Variants in DIS3L2 observed in about 807,000 individuals in gnomAD.
DIS3L2 encodes the protein DIS3-like exonuclease 2.
In DIS3L2, 34 loss-of-function variants were observed where a neutral mutation model predicts 97.5. The observed-to-expected ratio is 0.35, with a 90% confidence interval of 0.27 to 0.46. The LOEUF (loss-of-function observed/expected upper bound fraction) is 0.46, where lower values mean the gene tolerates loss of function less well. DIS3L2 is among the 20% of genes least tolerant of loss of function. The pLI is 1.00. For synonymous variants in DIS3L2, 435 were observed against 445.2 expected (o/e 0.98, Z 0.29); for missense variants, 1,038 against 1,146.0 (o/e 0.91, Z 1.36).
At chr2:232,237,113 A>G (rs531565614) in intron 10 of DIS3L2, among the ~76,000 whole-genome samples, 66 of 152,324 alleles carry the variant, frequency 4.3e-4, no homozygotes, top group African/African-American at 1.3e-3. Context: ...ATTTTCATAC[A>G]CACATACATG....
At position 232,268,682 on chromosome 2, in the gene DIS3L2, A is replaced by G. The variant is rs1446375989; in HGVS notation, c.1659+5242A>G. Among the ~76,000 whole-genome samples, 2 of 152,168 alleles carry G rather than the reference A, an allele frequency of 1.3e-5. No homozygotes were observed. The highest frequency in any genetic ancestry group is 4.8e-5 in the African/African-American group (2 of 41,440). On this transcript the variant is annotated intron_variant, in intron 13 of 20. Transcript: ENST00000325385. The surrounding 1 kb of genome is among the most constrained non-coding windows in gnomAD (Gnocchi z 4.1). ...TTTTCAGCCATTTAAAAATGCATAA[A>G]CCAGTCTTAGCTCATGGGTCATACA...
At chr2:232,075,602 T>A (rs1696163998) in intron 5 of DIS3L2, among the ~76,000 whole-genome samples, 1 of 152,238 alleles carries the variant, frequency 6.6e-6, no homozygotes, top group South Asian at 2.1e-4. Context: ...TCTCCAGACC[T>A]ACATTTCCAG....
intron 5 of DIS3L2, among the ~76,000 whole-genome samples, chr2:232,074,358 A>AT (rs1224676033): frequency 9.2e-5 from 14 of 152,046 alleles, no homozygotes; most frequent in Non-Finnish European, 1.3e-4. Context: ...ATTTCTCACT[A>AT]TTTTTTGCAA....
chr2:232,339,698 G>A, downstream of DIS3L2: 1 of 456,404 alleles, frequency 2.2e-6, no homozygotes, highest in Non-Finnish European at 4.4e-6. Context: ...TGAGCATGCA[G>A]GGCCGGGGTG....
intron 6 of DIS3L2, among the ~76,000 whole-genome samples, chr2:232,127,279 C>T (rs748793115): frequency 6.6e-6 from 1 of 152,280 alleles, no homozygotes; most frequent in East Asian, 1.9e-4. Flanking sequence ...GAACCACCTC[C>T]GAAATAGAAT....
intron 9 of DIS3L2, among the ~76,000 whole-genome samples, chr2:232,206,187 G>A (rs1692021649): frequency 6.6e-6 from 1 of 152,200 alleles, no homozygotes; most frequent in Non-Finnish European, 1.5e-5. Flanking sequence ...AAATGAGTTG[G>A]TCAAGAACTG....
intron 6 of DIS3L2, among the ~76,000 whole-genome samples, chr2:232,114,027 C>T (rs1697623694): frequency 6.6e-6 from 1 of 152,160 alleles, no homozygotes. Context: ...ATCTTGTGGC[C>T]TCCACTCAGG....
At chr2:232,078,442 G>C (rs1019743420) in intron 5 of DIS3L2, among the ~76,000 whole-genome samples, 1 of 152,146 alleles carries the variant, frequency 6.6e-6, no homozygotes, top group African/African-American at 2.4e-5. Context: ...AGAGGGATCT[G>C]CTAACTTTCA....
intron 13 of DIS3L2, among the ~76,000 whole-genome samples, chr2:232,288,241 T>C (rs774625834): frequency 4.6e-5 from 7 of 152,214 alleles, no homozygotes; most frequent in Non-Finnish European, 1.0e-4. Flanking sequence ...AGTCCTGAAC[T>C]TTGATGGGAG....
chr2:231,989,789 C>T (rs1167027009), intron 1 of DIS3L2, among the ~76,000 whole-genome samples: 2 of 152,068 alleles, frequency 1.3e-5, no homozygotes, highest in South Asian at 2.1e-4. Context: ...GAGCTGTGAT[C>T]GTACCACTGC....
At chr2:232,234,378 G>A (rs1197372731) in intron 10 of DIS3L2, among the ~76,000 whole-genome samples, 2 of 152,202 alleles carry the variant, frequency 1.3e-5, no homozygotes, top group African/African-American at 4.8e-5. Flanking sequence ...TTGAGACGGA[G>A]TCTCACTCTT....
intron 6 of DIS3L2, among the ~76,000 whole-genome samples, chr2:232,120,489 G>A (rs1697866336): frequency 6.6e-6 from 1 of 152,198 alleles, no homozygotes; most frequent in Admixed American, 6.5e-5. Context: ...TGGTATGCAT[G>A]TAAACCACCT....
chr2:232,001,557 C>CTTTTTTTTTTTTTTTTTTTTTTTTTT (rs57766848), intron 1 of DIS3L2, among the ~76,000 whole-genome samples: 2 of 61,920 alleles, frequency 3.2e-5, no homozygotes, highest in African/African-American at 8.7e-5. Context: ...TGCCATTTGT[C>CTTTTTTTTTTTTTTTTTTTTTTTTTT]TTTTTTTTTT....
At chr2:231,984,787 T>C (rs1195184489) in intron 1 of DIS3L2, among the ~76,000 whole-genome samples, 2 of 152,090 alleles carry the variant, frequency 1.3e-5, no homozygotes, top group Non-Finnish European at 2.9e-5. Context: ...ACCCAGCTAA[T>C]TTTTTGTATT....
Position 232,104,285 on chromosome 2 carries a change from G to C in DIS3L2, c.601+16564G>C, listed in dbSNP as rs73995098. On this transcript the variant is annotated intron_variant, in intron 6 of 20. Coordinates refer to ENST00000325385, the MANE Select transcript of DIS3L2 (RefSeq NM_152383.5). ...GAGTTCTTTTAAGAGACTGTCAGAG[G>C]ACGAGGGCCTACCTGTTCTCTTTTC... 4.1e-3 allele frequency among the ~76,000 whole-genome samples: 624 copies of C among 152,240 alleles called. 4 individuals are homozygous for C. The highest frequency in any genetic ancestry group is 0.014 in the African/African-American group (593 of 41,546).
In DIS3L2 at chr2:232,283,739, T is replaced by G. The variant is rs147787165; in HGVS notation, c.1660-16301T>G. ...AGGTAACATCCTCAAAATGACAGAT[T>G]TATAGAGAAGGAGAACAGGTAGGTA... is the stretch of plus-strand genomic sequence containing the variant. On this transcript the variant is annotated intron_variant, in intron 13 of 20. Transcript: ENST00000325385. Among the ~76,000 whole-genome samples, 1,297 of 152,176 alleles carry G rather than the reference T, an allele frequency of 8.5e-3. 23 individuals are homozygous for G. Among genetic ancestry groups the G allele is most frequent in the Admixed American group, 0.049 (746 of 15,286 alleles).
chr2:232,301,496 C>G (rs1559200882), intron 14 of DIS3L2, among the ~76,000 whole-genome samples: 2 of 152,230 alleles, frequency 1.3e-5, no homozygotes, highest in African/African-American at 4.8e-5. Flanking sequence ...CTCAAGACCT[C>G]TGGTGCTGTT....
chr2:232,207,670 C>G (rs755606059), intron 9 of DIS3L2, among the ~76,000 whole-genome samples: 21 of 152,124 alleles, frequency 1.4e-4, no homozygotes, highest in Non-Finnish European at 2.4e-4. Flanking sequence ...TGCTCTCGTT[C>G]CCTCCACCTG....
chr2:232,082,680 A>G lies in DIS3L2; in HGVS notation c.367-4807A>G, dbSNP rs114558921. ...TAGCATTTTTTGGTTTAGTAACTCA[A>G]AAGTGAATTTAGTCCCTACAACACT... is the stretch of plus-strand genomic sequence containing the variant. On this transcript the variant is annotated intron_variant, in intron 5 of 20. Transcript: ENST00000325385. Among the ~76,000 whole-genome samples, 427 of 152,312 alleles carry G rather than the reference A, an allele frequency of 2.8e-3. 1 individual carries two copies. Among genetic ancestry groups the G allele is most frequent in the Non-Finnish European group, 4.7e-3 (317 of 68,024 alleles).
Sources: gnomAD v4.1 joint callset for allele counts (sites outside exome capture counted in the v4.1 genomes callset) on GRCh38, gnomAD v4.1.1 for gene constraint, Gnocchi (gnomAD v3.1) non-coding constraint, MANE v1.5 for transcripts, NCBI Gene and HGNC (gene_info 2026-07-23, HGNC 2026-07-21) for gene names.